SVEP1: variants seen among roughly 807,000 people sequenced by gnomAD.
The protein encoded by SVEP1 is sushi, von Willebrand factor type A, EGF and pentraxin domain containing 1.
Under a neutral mutation model 367.3 loss-of-function variants are expected in SVEP1, and 164 were observed. The observed-to-expected ratio is 0.45, with a 90% CI of 0.39 to 0.51. The LOEUF (loss-of-function observed/expected upper bound fraction) is 0.51. Ranked by LOEUF, SVEP1 falls within the 20% of genes least tolerant of loss-of-function variation. The pLI is 0.00. For synonymous variants in SVEP1, 1,666 were observed against 1,611.6 expected (o/e 1.03, Z -0.81); for missense variants, 4,117 against 4,425.3 (o/e 0.93, Z 1.98).
At position 110,385,872 on chromosome 9, in the gene SVEP1, G is replaced by T. The variant is rs371710469; in HGVS notation, c.10237+26C>A. The T allele has an allele frequency of 2.2e-5, 36 of 1,605,248 alleles. No homozygotes were observed. The African/African-American group carries it at 4.4e-4, about 20-fold the overall frequency. ...GGAAAACATTTCGCACTAGCGGCAT[G>T]AACTGGCTTCCGCCTGCTGACTTAC... is the stretch of plus-strand genomic sequence containing the variant. On this transcript the variant is annotated intron_variant, in intron 43 of 47. Transcript: ENST00000374469.
intron 40 of SVEP1, among the ~76,000 whole-genome samples, chr9:110,393,866 G>A (rs558120910): frequency 1.3e-5 from 2 of 152,228 alleles, no homozygotes; most frequent in Non-Finnish European, 2.9e-5. Context: ...CAGGAAGCTT[G>A]AACTGGGTGG....
At chr9:110,490,202 T>C (rs1452027593) in intron 8 of SVEP1, among the ~76,000 whole-genome samples, 3 of 152,206 alleles carry the variant, frequency 2.0e-5, no homozygotes, top group South Asian at 4.1e-4. Context: ...TTTTCTTTAC[T>C]GATGCATAAT....
rs71371668 is a variant in SVEP1 at position 110,434,666 on chromosome 9, T to TAAAAAAAAAAAAAAAAAAAAAA, written c.4889-161_4889-160insTTTTTTTTTTTTTTTTTTTTTT. 5.2e-4 allele frequency among the ~76,000 whole-genome samples: 21 copies of TAAAAAAAAAAAAAAAAAAAAAA among 40,622 alleles called. 6 individuals carry two copies. Among genetic ancestry groups the TAAAAAAAAAAAAAAAAAAAAAA allele is most frequent in the African/African-American group, 1.0e-3 (10 of 9,744 alleles). The allele number at this position is 40,622 out of a possible 152,430, so 26.6% of individuals were successfully genotyped here. On this transcript the variant is annotated intron_variant, in intron 29 of 47. Transcript: ENST00000374469. Reference sequence around the variant, plus strand: ...CCAGATCACTGGCAAGCAAAATCACTAAAAAAAAAAAAAAAAAAAAGCATT... The same window carrying TAAAAAAAAAAAAAAAAAAAAAA: ...CCAGATCACTGGCAAGCAAAATCACTAAAAAAAAAAAAAAAAAAAAAAAAAAAAAAAAAAAAAAAAAAGCATT...
intron 1 of SVEP1, among the ~76,000 whole-genome samples, chr9:110,567,711 C>T (rs962892467): frequency 1.3e-5 from 2 of 152,166 alleles, no homozygotes; most frequent in African/African-American, 2.4e-5. Flanking sequence ...GTGGAAATGT[C>T]ACATACCCTT....
At chr9:110,477,960 C>T (rs1481800484) in intron 13 of SVEP1, among the ~76,000 whole-genome samples, 1 of 152,164 alleles carries the variant, frequency 6.6e-6, no homozygotes, top group African/African-American at 2.4e-5. Context: ...TAGTGACTTT[C>T]AAGGCTCTCC....
intron 40 of SVEP1, among the ~76,000 whole-genome samples, chr9:110,399,733 T>G (rs1827827256): frequency 6.6e-6 from 1 of 152,058 alleles, no homozygotes; most frequent in Non-Finnish European, 1.5e-5. Flanking sequence ...TGGGTCTTAC[T>G]ATGTTGCCCA....
At chr9:110,445,298 T>C (rs1364850145) in intron 26 of SVEP1, among the ~76,000 whole-genome samples, 1 of 152,206 alleles carries the variant, frequency 6.6e-6, no homozygotes, top group Non-Finnish European at 1.5e-5. Flanking sequence ...TGACAACCCA[T>C]GGCGATGGGG....
chr9:110,543,734 A>C (rs1830182990), intron 3 of SVEP1, among the ~76,000 whole-genome samples: 1 of 152,186 alleles, frequency 6.6e-6, no homozygotes, highest in African/African-American at 2.4e-5. Flanking sequence ...AGACATGCTG[A>C]CTACAGCATC....
chr9:110,371,638 C>T (rs1827277490), intron 46 of SVEP1, among the ~76,000 whole-genome samples: 1 of 152,144 alleles, frequency 6.6e-6, no homozygotes, highest in African/African-American at 2.4e-5. Context: ...CTCAAGCTTG[C>T]TTCTCCTGGC....
intron 3 of SVEP1, among the ~76,000 whole-genome samples, chr9:110,527,375 AT>A (rs1444719199): frequency 1.3e-5 from 2 of 152,058 alleles, no homozygotes; most frequent in African/African-American, 2.4e-5. Context: ...GAGAAACTGC[AT>A]TTTTTAAAGG....
At chr9:110,375,573 T>A in intron 45 of SVEP1, 110 bp from the exon 46 acceptor site, 1 of 930,316 alleles carries the variant, frequency 1.1e-6, no homozygotes, top group Non-Finnish European at 1.6e-6. Context: ...TTTGCAGGAG[T>A]GAAACCTTAT....
intron 3 of SVEP1, among the ~76,000 whole-genome samples, chr9:110,516,642 G>A (rs543404908): frequency 4.6e-4 from 70 of 152,074 alleles, no homozygotes; most frequent in Non-Finnish European, 8.4e-4. Flanking sequence ...GGAGTCAGCA[G>A]CTGTAGAAGA....
chr9:110,390,480 C>A (rs1186791046), intron 40 of SVEP1, among the ~76,000 whole-genome samples: 1 of 150,124 alleles, frequency 6.7e-6, no homozygotes, highest in Non-Finnish European at 1.5e-5. Context: ...TTGTGTATCC[C>A]AAAATGTATA....
intron 6 of SVEP1, among the ~76,000 whole-genome samples, chr9:110,500,528 T>C (rs920860737): frequency 7.2e-5 from 11 of 152,214 alleles, no homozygotes; most frequent in African/African-American, 2.7e-4. Flanking sequence ...CTGAGACTGG[T>C]TAGCATTCAC....
chr9:110,456,802 T>C (rs941273805), intron 21 of SVEP1, among the ~76,000 whole-genome samples: 4 of 152,216 alleles, frequency 2.6e-5, no homozygotes, highest in Non-Finnish European at 5.9e-5. Flanking sequence ...CAAAGCCAAA[T>C]TGTTTTCTAA....
chr9:110,395,453 A>T (rs1367068305), intron 40 of SVEP1, among the ~76,000 whole-genome samples: 1 of 152,332 alleles, frequency 6.6e-6, no homozygotes, highest in South Asian at 2.1e-4. Context: ...ACTAACAAGC[A>T]AAATAGCCAG....
chr9:110,452,591 T>C (rs1296085502), intron 22 of SVEP1, among the ~76,000 whole-genome samples: 1 of 152,208 alleles, frequency 6.6e-6, no homozygotes, highest in Non-Finnish European at 1.5e-5. Context: ...GGGTGATGAG[T>C]CTGCTGGTCT....
chr9:110,564,378 A>G (rs2118874082), intron 1 of SVEP1, among the ~76,000 whole-genome samples: 1 of 152,340 alleles, frequency 6.6e-6, no homozygotes, highest in East Asian at 1.9e-4. Flanking sequence ...GCAGGAATTT[A>G]GAACACATGA....
intron 1 of SVEP1, among the ~76,000 whole-genome samples, chr9:110,573,802 A>G (rs7867228): frequency 0.42 from 63,527 of 152,092 alleles, 14,253 homozygotes; most frequent in East Asian, 0.69. Flanking sequence ...TTACTCACCC[A>G]GAACAAACAG....
Sources: gnomAD v4.1 joint callset for allele counts (sites outside exome capture counted in the v4.1 genomes callset) on GRCh38, gnomAD v4.1.1 for gene constraint, MANE v1.5 for transcripts, NCBI Gene and HGNC (gene_info 2026-07-23, HGNC 2026-07-21) for gene names.